CLTC: variants seen among roughly 807,000 people sequenced by gnomAD.
The protein encoded by CLTC is clathrin heavy chain 1.
In CLTC, 16 loss-of-function variants were observed where a neutral mutation model predicts 195.8. The observed-to-expected ratio is 0.08, with a 90% CI of 0.06 to 0.12. CLTC has a LOEUF of 0.12. Among genes scored for constraint, CLTC ranks in the 10% least tolerant of loss-of-function variants. CLTC has a pLI of 1.00. For missense variants in CLTC, 796 were observed against 2,027.0 expected, an observed-to-expected ratio of 0.39 and a Z score of 11.66; for synonymous variants, 667 against 689.4, an observed-to-expected ratio of 0.97 and a Z score of 0.51.
Position 59,655,889 on chromosome 17 carries a change from C to G in CLTC, c.831C>G (p.Thr277=), listed in dbSNP as rs1266655371. 6.3e-7 allele frequency: 1 copy of G among 1,598,240 alleles called. No individual in the cohort carries two copies. Among genetic ancestry groups the G allele is most frequent in the South Asian group, 1.2e-5 (1 of 86,218 alleles). Residue 277 remains threonine (T), a synonymous_variant, in exon 6 of 32, where the codon ACC becomes ACG. Coordinates refer to ENST00000269122, the MANE Select transcript of CLTC (RefSeq NM_004859.4). ...AGCATGATGTGGTGTTCTTGATAAC[C>G]AAGTATGGTTATATCCACCTCTATG... ...SEKHDVVFLI[T]KYGYIHLYDL... is the part of the protein sequence containing the mutation.
In CLTC at chr17:59,685,813, TGACTCTTCTAA is replaced by T; in HGVS notation, c.4827+7_4827+17del. On this transcript the variant is annotated splice_donor_region_variant and intron_variant, in intron 30 of 31. Coordinates refer to ENST00000269122, the MANE Select transcript of CLTC (RefSeq NM_004859.4). The surrounding 1 kb of genome is among the most constrained non-coding windows in gnomAD (Gnocchi z 5.0). ...ATGAAGGAGTACTTGACAAAGGTAA[TGACTCTTCTAA>T]GTGTATTCAGAACTAGTTTCCTTGC... 6.2e-7 allele frequency: 1 copy of T among 1,608,068 alleles called. No individual in the cohort carries two copies. The highest frequency in any genetic ancestry group is 8.5e-7 in the Non-Finnish European group (1 of 1,175,044).
intron 6 of CLTC, among the ~76,000 whole-genome samples, chr17:59,659,613 T>G (rs1158780202): frequency 1.3e-5 from 2 of 151,686 alleles, no homozygotes; most frequent in Admixed American, 6.6e-5. Flanking sequence ...CCCGGCTAAT[T>G]TTTATATTTT....
intron 30 of CLTC, among the ~76,000 whole-genome samples, chr17:59,688,935 G>T (rs1338582878): frequency 3.3e-5 from 5 of 152,040 alleles, no homozygotes; most frequent in African/African-American, 9.7e-5. Context: ...TTGAATACTG[G>T]TTAGTTAGCA....
chr17:59,620,039 C>A lies in CLTC; in HGVS notation c.-93C>A, dbSNP rs891924744. 63 of 1,152,414 alleles carry A rather than the reference C, an allele frequency of 5.5e-5. 1 individual carries two copies. The Admixed American group carries it at 6.5e-4, about 12-fold the overall frequency. The allele number at this position is 1,152,414 out of a possible 1,614,324, so 71.4% of individuals were successfully genotyped here. A position where few individuals can be genotyped will look rare whatever the true frequency, so the allele number is the denominator to read the frequency against. On this transcript the variant is annotated 5_prime_UTR_variant, in exon 1 of 32. Transcript: ENST00000269122. ...AGGATCCTGCTGAGCCCAGCCTCCC[C>A]CCTCCCCTTCTCCTCCTCTCCCTTG...
In CLTC at chr17:59,620,096, C is replaced by T. The variant is rs751236609; in HGVS notation, c.-36C>T. On this transcript the variant is annotated 5_prime_UTR_variant, in exon 1 of 32. Coordinates refer to ENST00000269122, the MANE Select transcript of CLTC (RefSeq NM_004859.4). ...CCGGGCAGCCACTGCCCCGCAGCCCCAGTGACAGGAGGAGACCATAACCCC... is the reference window on the plus strand; with the variant it reads ...CCGGGCAGCCACTGCCCCGCAGCCCTAGTGACAGGAGGAGACCATAACCCC... 12 of 1,612,872 alleles carry T rather than the reference C, an allele frequency of 7.4e-6. No homozygotes were observed. The highest frequency in any genetic ancestry group is 9.3e-6 in the Non-Finnish European group (11 of 1,178,942).
intron 1 of CLTC, 65 bp downstream of exon 1, chr17:59,620,238 A>G: frequency 6.4e-7 from 1 of 1,562,806 alleles, no homozygotes; most frequent in Middle Eastern, 1.7e-4. Context: ...AAGACGCTGG[A>G]GTCTGGGCCC....
Position 59,666,279 on chromosome 17 carries a change from T to G in CLTC, c.1782+39T>G, listed in dbSNP as rs372099317. 6.2e-7 allele frequency: 1 copy of G among 1,604,652 alleles called. No individual in the cohort carries two copies. The highest frequency in any genetic ancestry group is 8.5e-7 in the Non-Finnish European group (1 of 1,172,160). On this transcript the variant is annotated intron_variant, in intron 11 of 31. Coordinates refer to ENST00000269122, the MANE Select transcript of CLTC (RefSeq NM_004859.4). This position sits in a 1 kb window ranked among gnomAD's most constrained non-coding sequence, Gnocchi z 4.9. Reference sequence around the variant, plus strand: ...TGCTTTTTAGGCATGTTTCCAACATTGTTTTAGTAATTGTGCAGCGCCTCT... The same window carrying G: ...TGCTTTTTAGGCATGTTTCCAACATGGTTTTAGTAATTGTGCAGCGCCTCT...
At chr17:59,636,951 T>G (rs1258216903) in intron 1 of CLTC, among the ~76,000 whole-genome samples, 1 of 148,958 alleles carries the variant, frequency 6.7e-6, no homozygotes, top group Middle Eastern at 3.4e-3. Flanking sequence ...TTTTTTTTTT[T>G]TTGTATTTTT....
At chr17:59,633,320 G>A (rs1333969586) in intron 1 of CLTC, among the ~76,000 whole-genome samples, 2 of 151,922 alleles carry the variant, frequency 1.3e-5, no homozygotes, top group East Asian at 1.9e-4. Context: ...GTGAAACCCC[G>A]TCTCTACTGA....
At chr17:59,632,561 T>G (rs1249298565) in intron 1 of CLTC, among the ~76,000 whole-genome samples, 2 of 152,046 alleles carry the variant, frequency 1.3e-5, no homozygotes, top group Non-Finnish European at 2.9e-5. Flanking sequence ...AAGAATTGCT[T>G]GAACCCAGGA....
intron 9 of CLTC, among the ~76,000 whole-genome samples, chr17:59,664,419 G>A (rs1179153010): frequency 6.6e-6 from 1 of 151,914 alleles, no homozygotes; most frequent in Non-Finnish European, 1.5e-5. Flanking sequence ...CAGGCGTGGT[G>A]GTGTGTCTGT....
intron 1 of CLTC, among the ~76,000 whole-genome samples, chr17:59,621,266 T>C (rs1037428268): frequency 2.0e-5 from 3 of 152,268 alleles, no homozygotes; most frequent in Non-Finnish European, 4.4e-5. Flanking sequence ...TCCTGTTTTT[T>C]ACTGTAGCTT....
At chr17:59,684,240 A>G (rs1171495633) in intron 28 of CLTC, 2 of 349,358 alleles carry the variant, frequency 5.7e-6, no homozygotes, top group African/African-American at 2.1e-5. Flanking sequence ...TCTAGATTGT[A>G]GGTAGAGTCA....
intron 1 of CLTC, among the ~76,000 whole-genome samples, chr17:59,641,095 G>GC (rs2032016759): frequency 6.8e-6 from 1 of 146,298 alleles, no homozygotes; most frequent in Admixed American, 7.0e-5. Context: ...TTCCAGCCTG[G>GC]TGACAGAGCG....
intron 1 of CLTC, among the ~76,000 whole-genome samples, chr17:59,621,330 C>T (rs1205273959): frequency 3.9e-5 from 6 of 152,178 alleles, no homozygotes; most frequent in African/African-American, 1.4e-4. Flanking sequence ...CTTAAAGAAA[C>T]CTGCCTCAGC....
At position 59,686,541 on chromosome 17, in the gene CLTC, C is replaced by T. The variant is rs372596216; in HGVS notation, c.4827+733C>T. On this transcript the variant is annotated intron_variant, in intron 30 of 31. Coordinates refer to ENST00000269122, the MANE Select transcript of CLTC (RefSeq NM_004859.4). ...TTGGGGGGATGGGAGGGTGAAGAAG[C>T]GCTACCAACAACCCCTCCCATACTG... Among the ~76,000 whole-genome samples the T allele has an allele frequency of 4.6e-5, 7 of 152,238 alleles. No homozygotes were observed. The South Asian group carries it at 6.2e-4, about 14-fold the overall frequency.
chr17:59,638,185 A>G (rs747844536), intron 1 of CLTC, among the ~76,000 whole-genome samples: 86 of 152,128 alleles, frequency 5.7e-4, no homozygotes, highest in Non-Finnish European at 1.9e-4. Context: ...GTATGTATTA[A>G]TAGTTAATAT....
In CLTC at chr17:59,690,491, T is replaced by C. The variant is rs533847111; in HGVS notation, c.4828-145T>C. ...TGGACTGAAGTATGAACATTGCCAT[T>C]GAATTTGAGGGGGACTGAGAATGTT... On this transcript the variant is annotated intron_variant, in intron 30 of 31. Coordinates refer to ENST00000269122, the MANE Select transcript of CLTC (RefSeq NM_004859.4). The C allele has an allele frequency of 8.7e-6, 5 of 572,952 alleles. No homozygotes were observed. In the East Asian group the frequency reaches 1.5e-4, roughly 17 times the overall value. 35.5% of individuals were successfully genotyped at this position (572,952 alleles called of 1,614,324 possible).
intron 13 of CLTC, 66 bp from the exon 14 acceptor site, chr17:59,668,711 A>G: frequency 1.4e-6 from 2 of 1,381,588 alleles, no homozygotes; most frequent in Non-Finnish European, 2.0e-6. Flanking sequence ...TTTTAATTAC[A>G]TAAATGTTTT....
Sources: gnomAD v4.1 joint callset for allele counts (sites outside exome capture counted in the v4.1 genomes callset) on GRCh38, gnomAD v4.1.1 for gene constraint, Gnocchi (gnomAD v3.1) non-coding constraint, MANE v1.5 for transcripts, NCBI Gene and HGNC (gene_info 2026-07-23, HGNC 2026-07-21) for gene names.